Variants in PFKFB1 observed in about 807,000 individuals in gnomAD.
The protein encoded by PFKFB1 is 6-phosphofructo-2-kinase/fructose-2,6-bisphosphatase 1.
Under a neutral mutation model 46.4 loss-of-function variants are expected in PFKFB1, and 34 were observed. The ratio of observed to expected loss-of-function variants is 0.73; its 90% CI spans 0.56 to 0.98. PFKFB1 has a LOEUF of 0.98. Among genes scored for constraint, PFKFB1 ranks in the 50% least tolerant of loss-of-function variants. The pLI is 0.00. For missense variants in PFKFB1, 393 were observed against 376.3 expected (o/e 1.04, Z -0.37); for synonymous variants, 119 against 133.8 (o/e 0.89, Z 0.76).
intron 10 of PFKFB1, among the ~76,000 whole-genome samples, chrX:54,941,009 AACCAAAACAGCATGGTGCTGGT>A (rs1164815374): frequency 1.8e-5 from 2 of 112,158 alleles, no homozygotes; most frequent in African/African-American, 6.5e-5. Flanking sequence ...AGCCTACAGT[AACCAAAACAGCATGGTGCTGGT>A]ACCAAAACAG....
intron 1 of PFKFB1, among the ~76,000 whole-genome samples, chrX:54,988,519 A>C (rs1446182361): frequency 8.9e-6 from 1 of 112,027 alleles, no homozygotes; most frequent in African/African-American, 3.2e-5. Flanking sequence ...TAGAATAGCC[A>C]AAACAATCAT....
At chrX:54,985,186 G>T (rs747605663) in intron 1 of PFKFB1, among the ~76,000 whole-genome samples, 1 of 111,569 alleles carries the variant, frequency 9.0e-6, no homozygotes, top group East Asian at 2.8e-4. Flanking sequence ...GAACAAGAGA[G>T]AGAGGGACAG....
chrX:54,995,594 G>A (rs1935345546), upstream of PFKFB1, among the ~76,000 whole-genome samples: 1 of 112,381 alleles, frequency 8.9e-6, no homozygotes, highest in Admixed American at 9.4e-5. Context: ...TGTTGGCTAT[G>A]AGGCAATGAG....
intron 10 of PFKFB1, among the ~76,000 whole-genome samples, chrX:54,942,585 G>A (rs1036839406): frequency 1.8e-5 from 2 of 111,221 alleles, no homozygotes; most frequent in African/African-American, 6.5e-5. Flanking sequence ...CTCAGGCTGC[G>A]TGAGATTTCC....
intron 1 of PFKFB1, among the ~76,000 whole-genome samples, chrX:54,990,714 T>C (rs1444962963): frequency 8.9e-6 from 1 of 111,874 alleles, no homozygotes; most frequent in African/African-American, 3.2e-5. Flanking sequence ...AGCAAAATGC[T>C]AAAATCCTAA....
At chrX:54,969,215 G>A (rs1158282882) in intron 1 of PFKFB1, among the ~76,000 whole-genome samples, 1 of 111,639 alleles carries the variant, frequency 9.0e-6, no homozygotes, top group African/African-American at 3.3e-5. Context: ...AGGTCATGAG[G>A]GCTCTACCTT....
At chrX:54,945,596 G>C (rs765278549) in intron 9 of PFKFB1, 53 bp from the exon 10 acceptor site, 108 of 768,901 alleles carry the variant, frequency 1.4e-4, no homozygotes, top group Non-Finnish European at 4.8e-5. Context: ...ATTCCACAGA[G>C]TCTTTGCCAT....
At chrX:54,967,323 G>A (rs1165582861) in intron 1 of PFKFB1, among the ~76,000 whole-genome samples, 2 of 111,997 alleles carry the variant, frequency 1.8e-5, no homozygotes, top group African/African-American at 3.2e-5. Flanking sequence ...AATAACAAGC[G>A]ATTTTGGAAC....
chrX:54,981,650 A>C (rs903961250), intron 1 of PFKFB1, among the ~76,000 whole-genome samples: 11 of 111,836 alleles, frequency 9.8e-5, no homozygotes, highest in African/African-American at 3.6e-4. Flanking sequence ...GTGAGCAAGT[A>C]AAATGGTAAA....
chrX:54,949,287 C>CCCT, intron 8 of PFKFB1, 66 bp from the exon 9 acceptor site: 2 of 961,757 alleles, frequency 2.1e-6, no homozygotes, highest in Non-Finnish European at 2.8e-6. Flanking sequence ...GCAGGGTGGC[C>CCCT]ATCAGAACAA....
At chrX:54,965,906 A>G (rs1200703622) in intron 1 of PFKFB1, among the ~76,000 whole-genome samples, 5 of 111,151 alleles carry the variant, frequency 4.5e-5, no homozygotes, top group African/African-American at 1.6e-4. Flanking sequence ...AAGTTTCTTT[A>G]TAAGATATCT....
chrX:54,955,688 C>A (rs1274932652), intron 7 of PFKFB1, among the ~76,000 whole-genome samples: 4 of 111,733 alleles, frequency 3.6e-5, no homozygotes, highest in Admixed American at 9.5e-5. Context: ...AGCTCTACCC[C>A]TTGTGGTGGG....
At chrX:54,964,736 T>G (rs1307800553) in intron 1 of PFKFB1, among the ~76,000 whole-genome samples, 1 of 111,631 alleles carries the variant, frequency 9.0e-6, no homozygotes, top group Non-Finnish European at 1.9e-5. Flanking sequence ...GTTTCCATCT[T>G]TATCAGATAG....
chrX:54,976,107 A>G (rs1221675088), intron 1 of PFKFB1, among the ~76,000 whole-genome samples: 1 of 111,851 alleles, frequency 8.9e-6, no homozygotes, highest in Non-Finnish European at 1.9e-5. Flanking sequence ...ATAAAAATTT[A>G]AACATTTTTA....
intron 10 of PFKFB1, 129 bp from the exon 11 acceptor site, chrX:54,937,853 G>A: frequency 1.9e-6 from 1 of 530,511 alleles, no homozygotes; most frequent in Non-Finnish European, 3.0e-6. Flanking sequence ...CCACCAGTAT[G>A]ACCTTAGGCA....
At chrX:54,984,067 A>G (rs1485383941) in intron 1 of PFKFB1, among the ~76,000 whole-genome samples, 1 of 111,379 alleles carries the variant, frequency 9.0e-6, no homozygotes, top group Admixed American at 9.5e-5. Context: ...ACTTCTATAA[A>G]GCAAACAAAA....
At chrX:54,938,844 T>C (rs750088291) in intron 10 of PFKFB1, among the ~76,000 whole-genome samples, 1 of 111,080 alleles carries the variant, frequency 9.0e-6, no homozygotes, top group African/African-American at 3.3e-5. Context: ...GACAGAAAGT[T>C]AACAAGGATA....
chrX:54,937,825 G>T, intron 10 of PFKFB1, 101 bp from the exon 11 acceptor site: 1 of 787,117 alleles, frequency 1.3e-6, no homozygotes, highest in Non-Finnish European at 1.8e-6. Flanking sequence ...TGGTTCCAGT[G>T]CCAGTTCAAT....
chrX:54,954,291 A>T (rs1934070274), intron 7 of PFKFB1, among the ~76,000 whole-genome samples: 1 of 111,181 alleles, frequency 9.0e-6, no homozygotes, highest in Non-Finnish European at 1.9e-5. Context: ...AGGCGGGCAG[A>T]TCATTTGAGG....
Sources: allele counts gnomAD v4.1 joint callset (sites outside exome capture counted in the v4.1 genomes callset), GRCh38; gene constraint gnomAD v4.1.1; transcripts MANE v1.5; gene names NCBI Gene and HGNC (gene_info 2026-07-23, HGNC 2026-07-21).